The following PM20D1 variants were observed in gnomAD, a reference collection of about 807,000 sequenced individuals.
PM20D1 encodes peptidase M20 domain containing 1.
PM20D1 carries 53 observed loss-of-function variants against 53.8 expected under a neutral mutation model. The observed-to-expected ratio is 0.98, with a 90% CI of 0.79 to 1.24. The LOEUF (loss-of-function observed/expected upper bound fraction) is 1.24, where lower values mean the gene tolerates loss of function less well. PM20D1 is among the 50% of genes most tolerant of loss of function. PM20D1 has a pLI of 0.00. For synonymous variants in PM20D1, 239 were observed against 241.3 expected (o/e 0.99, Z 0.09); for missense variants, 564 against 616.8 (o/e 0.91, Z 0.91).
At chr1:205,840,185 C>A (rs2102527560) in intron 10 of PM20D1, 67 bp downstream of exon 10, 3 of 1,463,336 alleles carry the variant, frequency 2.1e-6, no homozygotes, top group Middle Eastern at 3.7e-4. Flanking sequence ...TGTAGTTAAA[C>A]CCGGGCCCTG....
At chr1:205,840,609 T>C (rs1054927757) in intron 9 of PM20D1, among the ~76,000 whole-genome samples, 24 of 152,228 alleles carry the variant, frequency 1.6e-4, no homozygotes, top group Non-Finnish European at 3.2e-4. Context: ...ATCACCCAGA[T>C]ATCTCTGTTT....
chr1:205,832,153 G>T (rs1010529646), intron 11 of PM20D1, among the ~76,000 whole-genome samples: 3 of 152,288 alleles, frequency 2.0e-5, no homozygotes, highest in Middle Eastern at 6.8e-3. Context: ...GTGCTGCTGG[G>T]ATTGGTCTGG....
chr1:205,849,559 T>C (rs551999328), intron 1 of PM20D1, among the ~76,000 whole-genome samples: 1 of 152,242 alleles, frequency 6.6e-6, no homozygotes, highest in East Asian at 1.9e-4. Context: ...TTATCAGGCA[T>C]GCAAACTTTC....
chr1:205,845,780 C>G (rs1257391868), intron 2 of PM20D1, among the ~76,000 whole-genome samples: 1 of 152,174 alleles, frequency 6.6e-6, no homozygotes, highest in Admixed American at 6.5e-5. Context: ...GTAATAAATG[C>G]AAATCAAGAG....
At chr1:205,847,006 C>CT (rs778538865) in intron 2 of PM20D1, among the ~76,000 whole-genome samples, 23,970 of 45,004 alleles carry the variant, frequency 0.53, 9,017 homozygotes, top group Non-Finnish European at 0.7. Flanking sequence ...TCCTTCCTTT[C>CT]TTTTTTTTTT....
At position 205,845,628 on chromosome 1, in the gene PM20D1, C is replaced by G. The variant is rs548485927; in HGVS notation, c.257-71G>C. On this transcript the variant is annotated intron_variant, in intron 2 of 12. Transcript: ENST00000367136. ...CCTTAGGTTTTCCTACCAAGTTGTG[C>G]TTCCTGTTCCTTTATTTATTTATTT... 1.4e-5 allele frequency: 18 copies of G among 1,270,544 alleles called. No homozygotes were observed. The South Asian group carries it at 2.4e-4, about 17-fold the overall frequency. The allele number at this position is 1,270,544 out of a possible 1,614,324, so 78.7% of individuals were successfully genotyped here. A position where few individuals can be genotyped will look rare whatever the true frequency, so the allele number is the denominator to read the frequency against.
In PM20D1 at chr1:205,832,662, C is replaced by T. The variant is rs1334700295; in HGVS notation, c.1221G>A (p.Leu407=). The T allele has an allele frequency of 6.2e-7, 1 of 1,614,014 alleles. No homozygotes were observed. The highest frequency in any genetic ancestry group is 8.5e-7 in the Non-Finnish European group (1 of 1,180,030). The stretch of plus-strand genomic sequence containing the variant: ...CGGTCTGGCGGAGCAGCTGGTAGCC[C>T]AAGGCCTTGTCATCAGAAGGGCTGA... ...LPVSPSDDKA[L]GYQLLRQTVQ... The change falls in exon 11 of 13, where the codon TTG becomes TTA. Residue 407 remains leucine (L), a synonymous_variant. Coordinates refer to ENST00000367136, the MANE Select transcript of PM20D1 (RefSeq NM_152491.5).
At position 205,844,178 on chromosome 1, in the gene PM20D1, G is replaced by A. The variant is rs1356675168; in HGVS notation, c.616C>T (p.Gln206Ter). ...TGAQRISALL[Q>*]SRGVQLAFIV... Reference sequence around the variant, plus strand: ...AAGGCTAGCTGGACGCCCCTTGACTGTAGCAGGGCTGAGATCCTCTGAGCC... The same window carrying A: ...AAGGCTAGCTGGACGCCCCTTGACTATAGCAGGGCTGAGATCCTCTGAGCC... Residue 206 changes from glutamine (Q) to a stop codon, truncating the protein, a stop_gained, in exon 5 of 13, where the codon CAG (glutamine) becomes TAG (stop). Coordinates refer to ENST00000367136, the MANE Select transcript of PM20D1 (RefSeq NM_152491.5). LOFTEE classifies it high-confidence loss of function. 1.2e-6 allele frequency: 2 copies of A among 1,613,848 alleles called. No individual in the cohort carries two copies. Among genetic ancestry groups the A allele is most frequent in the Admixed American group, 1.7e-5 (1 of 59,988 alleles).
chr1:205,842,459 C>T (rs990705689), intron 7 of PM20D1, among the ~76,000 whole-genome samples: 2 of 152,258 alleles, frequency 1.3e-5, no homozygotes, highest in Admixed American at 6.5e-5. Flanking sequence ...GGAACCAGCT[C>T]CCAAAGGGTA....
At chr1:205,841,235 G>A (rs1268368706) in intron 9 of PM20D1, among the ~76,000 whole-genome samples, 3 of 152,138 alleles carry the variant, frequency 2.0e-5, no homozygotes, top group Admixed American at 6.5e-5. Flanking sequence ...CTTGGAGGCC[G>A]GGAGACTCCC....
intron 1 of PM20D1, 36 bp downstream of exon 1, chr1:205,849,868 T>C (rs1657090197): frequency 1.3e-6 from 2 of 1,576,562 alleles, no homozygotes; most frequent in Non-Finnish European, 1.7e-6. Context: ...GGGACCCACA[T>C]ATGAGCATAG....
intron 10 of PM20D1, among the ~76,000 whole-genome samples, chr1:205,836,808 T>C (rs1031273033): frequency 6.6e-6 from 1 of 152,174 alleles, no homozygotes; most frequent in Non-Finnish European, 1.5e-5. Context: ...TGGCCCTGCC[T>C]CTCCTTTTTT....
At chr1:205,841,914 A>T (rs1028028470) in intron 8 of PM20D1, 25 bp from the exon 9 acceptor site, 2 of 1,547,464 alleles carry the variant, frequency 1.3e-6, no homozygotes, top group Admixed American at 2.0e-5. Flanking sequence ...CCAAGGTCAG[A>T]TGTTAGAAAG....
At chr1:205,847,783 C>T in intron 2 of PM20D1, 102 bp downstream of exon 2, 1 of 803,802 alleles carries the variant, frequency 1.2e-6, no homozygotes, top group South Asian at 1.6e-5. Context: ...TTAGATTGTC[C>T]TCTGATCAGT....
At chr1:205,840,392 A>T in intron 9 of PM20D1, 69 bp from the exon 10 acceptor site, 1 of 1,451,496 alleles carries the variant, frequency 6.9e-7, no homozygotes, top group Non-Finnish European at 9.6e-7. Context: ...TGCCCAGGAA[A>T]TGCTAATTTC....
chr1:205,828,935 A>G (rs1310922551), intron 12 of PM20D1, among the ~76,000 whole-genome samples, 192 bp from the exon 13 acceptor site: 3 of 152,250 alleles, frequency 2.0e-5, no homozygotes, highest in Non-Finnish European at 4.4e-5. Flanking sequence ...TCAGGGATCC[A>G]TCTATGCTCG....
Position 205,828,663 on chromosome 1 carries a change from G to C in PM20D1, c.1466C>G (p.Ala489Gly). The change falls in exon 13 of 13, where the codon GCT becomes GGT. Residue 489 changes from alanine (A) to glycine (G), a missense_variant. Physicochemically the swap from Ala to Gly is moderately conservative, Grantham distance 60 (BLOSUM62 0). Transcript: ENST00000367136. ...VKFIFELIQN[A>G]DTDQEPVSHL... is the part of the protein sequence containing the mutation. Reference sequence around the variant, plus strand: ...AGAAACTGGCTCCTGGTCTGTGTCAGCATTCTGAATCAACTCAAAGATGAA... The same window carrying C: ...AGAAACTGGCTCCTGGTCTGTGTCACCATTCTGAATCAACTCAAAGATGAA... 6.2e-7 allele frequency: 1 copy of C among 1,614,182 alleles called. No individual in the cohort carries two copies. The highest frequency in any genetic ancestry group is 8.5e-7 in the Non-Finnish European group (1 of 1,180,016).
intron 5 of PM20D1, 130 bp downstream of exon 5, chr1:205,843,957 A>G: frequency 6.8e-7 from 1 of 1,479,898 alleles, no homozygotes; most frequent in South Asian, 1.3e-5. Flanking sequence ...GAGAGGTTAA[A>G]GATTGGGGCG....
At chr1:205,838,187 C>A (rs1026542600) in intron 10 of PM20D1, among the ~76,000 whole-genome samples, 1 of 152,162 alleles carries the variant, frequency 6.6e-6, no homozygotes, top group African/African-American at 2.4e-5. Flanking sequence ...CAGAACTGCC[C>A]CTAACCCTGG....
Sources: gnomAD v4.1 joint callset for allele counts (sites outside exome capture counted in the v4.1 genomes callset) on GRCh38, gnomAD v4.1.1 for gene constraint, MANE v1.5 for transcripts, NCBI Gene and HGNC (gene_info 2026-07-23, HGNC 2026-07-21) for gene names.